SLC5A10: variants seen among roughly 807,000 people sequenced by gnomAD.
SLC5A10 encodes the protein solute carrier family 5 member 10.
SLC5A10 carries 55 observed loss-of-function variants against 68.9 expected under a neutral mutation model. The observed-to-expected ratio is 0.80, with a 90% confidence interval of 0.64 to 1.00. SLC5A10 has a LOEUF of 1.00. Ranked by LOEUF, SLC5A10 falls within the 50% of genes least tolerant of loss-of-function variation. SLC5A10 has a pLI of 0.00. For synonymous variants in SLC5A10, 344 were observed against 344.8 expected (o/e 1.00, Z 0.02); for missense variants, 732 against 819.3 (o/e 0.89, Z 1.30).
chr17:19,006,689 G>A (rs560758317), intron 9 of SLC5A10, among the ~76,000 whole-genome samples: 3 of 152,104 alleles, frequency 2.0e-5, no homozygotes, highest in South Asian at 2.1e-4. Context: ...CACCTCCCCC[G>A]ACCACCATTC....
Position 19,000,708 on chromosome 17 carries a change from G to A in SLC5A10, c.983-12702G>A, listed in dbSNP as rs1296976982. ...GTGCGGCAAGGCGGCCCAGGCAGAG[G>A]GATCCCCATCCTAGGCAGGGGGCAG... On this transcript the variant is annotated intron_variant, in intron 9 of 14. Transcript: ENST00000395645. This position sits in a 1 kb window ranked among gnomAD's most constrained non-coding sequence, Gnocchi z 5.2. Among the ~76,000 whole-genome samples, 1 of 152,144 alleles carries A rather than the reference G, an allele frequency of 6.6e-6. No homozygotes were observed. Among genetic ancestry groups the A allele is most frequent in the Non-Finnish European group, 1.5e-5 (1 of 68,014 alleles).
chr17:18,974,184 C>T (rs951666686), intron 8 of SLC5A10, among the ~76,000 whole-genome samples: 3 of 152,026 alleles, frequency 2.0e-5, no homozygotes, highest in Non-Finnish European at 4.4e-5. Flanking sequence ...AGCCACCATG[C>T]CCAGCCAATT....
chr17:18,974,599 C>T lies in SLC5A10; in HGVS notation c.847-2255C>T, dbSNP rs140280076. On this transcript the variant is annotated intron_variant, in intron 8 of 14. Coordinates refer to ENST00000395645, the MANE Select transcript of SLC5A10 (RefSeq NM_001042450.4). ...GTAGCAGCCACCTCAGTCATAACAG[C>T]AACCACAGCTTTCGTGGGCAGCGTG... 4.7e-3 allele frequency among the ~76,000 whole-genome samples: 721 copies of T among 152,352 alleles called. 8 individuals carry two copies. The highest frequency in any genetic ancestry group is 0.031 in the South Asian group (148 of 4,824).
chr17:19,009,840 T>G (rs2043976966), intron 9 of SLC5A10, among the ~76,000 whole-genome samples: 1 of 152,112 alleles, frequency 6.6e-6, no homozygotes, highest in Non-Finnish European at 1.5e-5. Flanking sequence ...CTGTGGAGGA[T>G]ATAGCCCCAA....
chr17:18,959,437 G>T (rs1345961952), intron 3 of SLC5A10, among the ~76,000 whole-genome samples, 167 bp from the exon 4 acceptor site: 1 of 152,238 alleles, frequency 6.6e-6, no homozygotes, highest in Non-Finnish European at 1.5e-5. Context: ...TGTGGGCCTT[G>T]CCCAGACCTA....
At chr17:18,966,749 CAA>C (rs34809691) in intron 5 of SLC5A10, among the ~76,000 whole-genome samples, 2 of 97,590 alleles carry the variant, frequency 2.0e-5, no homozygotes. Flanking sequence ...GACTCCGTCT[CAA>C]AAAAAAAAAA....
chr17:18,988,249 T>C, intron 9 of SLC5A10: 1 of 1,607,990 alleles, frequency 6.2e-7, no homozygotes, highest in South Asian at 1.1e-5. Flanking sequence ...CTGCTCACCT[T>C]GAGGTGCCCC....
At chr17:18,955,159 C>T (rs1383377928) in intron 1 of SLC5A10, among the ~76,000 whole-genome samples, 1 of 150,994 alleles carries the variant, frequency 6.6e-6, no homozygotes, top group Non-Finnish European at 1.5e-5. Context: ...GCTTCAGGTG[C>T]AGTATGATCC....
chr17:18,972,494 ACT>A (rs1195463642), intron 8 of SLC5A10, among the ~76,000 whole-genome samples: 1 of 151,818 alleles, frequency 6.6e-6, no homozygotes, highest in Non-Finnish European at 1.5e-5. Flanking sequence ...GTGGTTCCCG[ACT>A]CTGCTCTTCC....
In SLC5A10 at chr17:18,969,372, C is replaced by T; in HGVS notation, c.590C>T (p.Ala197Val). The change falls in exon 7 of 15, where the codon GCC (alanine) becomes GTC (valine). Residue 197 changes from alanine (A) to valine (V), a missense_variant. By Grantham distance (64) the Ala-to-Val change is moderately conservative. Coordinates refer to ENST00000395645, the MANE Select transcript of SLC5A10 (RefSeq NM_001042450.4). ...GGLAAVIYTDALQTLIMVVGA... is the reference protein window; with the variant it reads ...GGLAAVIYTDVLQTLIMVVGA... Reference sequence around the variant, plus strand: ...CTGGCTGCTGTAATCTACACGGACGCCCTGCAGACGCTCATCATGGTGGTG... The same window carrying T: ...CTGGCTGCTGTAATCTACACGGACGTCCTGCAGACGCTCATCATGGTGGTG... 6.2e-7 allele frequency: 1 copy of T among 1,613,716 alleles called. No individual in the cohort carries two copies.
chr17:18,994,408 AT>A (rs1414637012), intron 9 of SLC5A10, among the ~76,000 whole-genome samples: 1 of 152,116 alleles, frequency 6.6e-6, no homozygotes, highest in Non-Finnish European at 1.5e-5. Flanking sequence ...AGCAGCTAGG[AT>A]TTGCAGGACG....
intron 5 of SLC5A10, 76 bp downstream of exon 5, chr17:18,960,728 ATCT>A (rs1778553336): frequency 6.0e-6 from 8 of 1,342,206 alleles, no homozygotes; most frequent in South Asian, 1.2e-5. Flanking sequence ...AGGACCTGAC[ATCT>A]TCTCATTCAT....
chr17:18,977,941 C>A (rs972068048), intron 9 of SLC5A10: 3 of 1,605,656 alleles, frequency 1.9e-6, no homozygotes, highest in Non-Finnish European at 2.6e-6. Context: ...CCCCATCCAG[C>A]CCATTGGGGA....
chr17:18,963,814 T>C (rs2469847), intron 5 of SLC5A10, among the ~76,000 whole-genome samples: 15,705 of 152,276 alleles, frequency 0.1, 1,025 homozygotes, highest in Non-Finnish European at 0.15. Context: ...AGCTCCATCA[T>C]TGTGGGGCTC....
At chr17:19,006,682 C>T (rs1457367826) in intron 9 of SLC5A10, among the ~76,000 whole-genome samples, 1 of 152,196 alleles carries the variant, frequency 6.6e-6, no homozygotes, top group Non-Finnish European at 1.5e-5. Context: ...ATCCCCACAC[C>T]TCCCCCGACC....
intron 5 of SLC5A10, among the ~76,000 whole-genome samples, chr17:18,964,844 G>A (rs564382375): frequency 2.0e-5 from 3 of 152,314 alleles, no homozygotes; most frequent in Admixed American, 6.5e-5. Flanking sequence ...TCCTGGAATG[G>A]TAGAAATGCA....
intron 9 of SLC5A10, chr17:18,977,794 C>G: frequency 6.2e-7 from 1 of 1,601,980 alleles, no homozygotes; most frequent in African/African-American, 1.3e-5. Context: ...GGACTGAGTG[C>G]TCTCTCACCT....
intron 1 of SLC5A10, chr17:18,953,877 A>G (rs1246292808): frequency 6.6e-6 from 1 of 152,468 alleles, no homozygotes; most frequent in Non-Finnish European, 1.5e-5. Context: ...AGAGTCCGAA[A>G]TCCAAAACTT....
rs779766503 is a variant in SLC5A10, at chr17:18,971,784, G to A, written c.846+566G>A. 1.3e-6 allele frequency: 2 copies of A among 1,526,014 alleles called. No homozygotes were observed. Among genetic ancestry groups the A allele is most frequent in the Admixed American group, 2.1e-5 (1 of 48,014 alleles). The allele number at this position is 1,526,014 out of a possible 1,614,324, so 94.5% of individuals were successfully genotyped here. On this transcript the variant is annotated intron_variant, in intron 8 of 14. Transcript: ENST00000395645. The surrounding 1 kb of genome is among the most constrained non-coding windows in gnomAD (Gnocchi z 5.5). ...GAGAGCAGAGAGTGAGGCTGAGCAA[G>A]AAGGGCCAACCCCGCCCCAGCACAG...
Sources: gnomAD v4.1 joint callset for allele counts (sites outside exome capture counted in the v4.1 genomes callset) on GRCh38, gnomAD v4.1.1 for gene constraint, Gnocchi (gnomAD v3.1) non-coding constraint, MANE v1.5 for transcripts, NCBI Gene and HGNC (gene_info 2026-07-23, HGNC 2026-07-21) for gene names.